Variants in LINGO2 observed in about 807,000 individuals in gnomAD.
The protein encoded by LINGO2 is leucine-rich repeat and immunoglobulin-like domain-containing nogo receptor-interacting protein 2.
A neutral mutation model predicts 30.6 loss-of-function variants in LINGO2; 14 were observed. The observed-to-expected ratio is 0.46, with a 90% CI of 0.30 to 0.72. The LOEUF (loss-of-function observed/expected upper bound fraction) is 0.72, where lower values mean the gene tolerates loss of function less well. Among genes scored for constraint, LINGO2 ranks in the 30% least tolerant of loss-of-function variants. The pLI is 0.07. For synonymous variants in LINGO2, 317 were observed against 288.5 expected (o/e 1.10, Z -1.00); for missense variants, 729 against 751.7 (o/e 0.97, Z 0.35).
At chr9:28,164,489 T>C (rs1451070200) in intron 4 of LINGO2, among the ~76,000 whole-genome samples, 1 of 152,194 alleles carries the variant, frequency 6.6e-6, no homozygotes, top group Non-Finnish European at 1.5e-5. Context: ...AGCAATTAAA[T>C]AATTTTCCCA....
At chr9:28,555,627 A>C (rs1278711336) in intron 1 of LINGO2, among the ~76,000 whole-genome samples, 1 of 152,022 alleles carries the variant, frequency 6.6e-6, no homozygotes, top group Admixed American at 6.6e-5. Context: ...AAAAGAGGGA[A>C]TCCTCCCTAA....
the LINGO2 span, among the ~76,000 whole-genome samples, chr9:28,779,736 T>C: frequency 4.6e-5 from 7 of 152,052 alleles, no homozygotes; most frequent in Non-Finnish European, 7.4e-5. Flanking sequence ...CACAGGAAAA[T>C]TTTTCTAATG....
chr9:28,291,794 T>C (rs1202770202), intron 4 of LINGO2, among the ~76,000 whole-genome samples: 1 of 152,170 alleles, frequency 6.6e-6, no homozygotes. Flanking sequence ...AGGAAAATGA[T>C]GGCAGAATTT....
intron 4 of LINGO2, among the ~76,000 whole-genome samples, chr9:28,191,703 C>T (rs980022150): frequency 2.0e-5 from 3 of 152,040 alleles, no homozygotes; most frequent in African/African-American, 4.8e-5. Context: ...ATGATAAACC[C>T]GATGGTGATG....
At chr9:28,278,642 G>A (rs563678476) in intron 4 of LINGO2, among the ~76,000 whole-genome samples, 1 of 152,266 alleles carries the variant, frequency 6.6e-6, no homozygotes, top group East Asian at 1.9e-4. Context: ...GAGACCTACT[G>A]CTCAGAAAGA....
At chr9:29,053,210 T>A in the LINGO2 span, among the ~76,000 whole-genome samples, 2 of 152,088 alleles carry the variant, frequency 1.3e-5, no homozygotes, top group Non-Finnish European at 2.9e-5. Flanking sequence ...AAAATGATAA[T>A]CTTAATACAC....
the LINGO2 span, among the ~76,000 whole-genome samples, chr9:28,973,806 A>G: frequency 6.6e-6 from 1 of 152,206 alleles, no homozygotes; most frequent in Non-Finnish European, 1.5e-5. Context: ...AATATCCTTC[A>G]AACATAAAGG....
intron 3 of LINGO2, among the ~76,000 whole-genome samples, chr9:28,328,382 G>T (rs1388633147): frequency 2.0e-5 from 3 of 152,086 alleles, no homozygotes; most frequent in Admixed American, 6.5e-5. Context: ...GAAGCAAAAA[G>T]AACAAAACTA....
intron 4 of LINGO2, among the ~76,000 whole-genome samples, chr9:28,160,329 G>A (rs1828249866): frequency 6.6e-6 from 1 of 152,130 alleles, no homozygotes; most frequent in Non-Finnish European, 1.5e-5. Flanking sequence ...ATTAAACAGA[G>A]TAATGACCCT....
the LINGO2 span, among the ~76,000 whole-genome samples, chr9:28,988,691 G>C: frequency 6.6e-6 from 1 of 152,260 alleles, no homozygotes; most frequent in Non-Finnish European, 1.5e-5. Context: ...ATCTCAAAAT[G>C]CTAAAGAAAC....
intron 4 of LINGO2, among the ~76,000 whole-genome samples, chr9:28,070,996 T>C (rs887749444): frequency 6.6e-6 from 1 of 152,214 alleles, no homozygotes; most frequent in Non-Finnish European, 1.5e-5. Context: ...ATTACAGGCC[T>C]AAGCCACCAT....
intron 1 of LINGO2, among the ~76,000 whole-genome samples, chr9:28,539,102 C>A (rs1011941691): frequency 6.6e-6 from 1 of 151,800 alleles, no homozygotes; most frequent in South Asian, 2.1e-4. Context: ...AAAAGATATT[C>A]TTTCAGTAAG....
intron 1 of LINGO2, among the ~76,000 whole-genome samples, chr9:28,621,517 T>G (rs1826393659): frequency 6.6e-6 from 1 of 151,932 alleles, no homozygotes; most frequent in African/African-American, 2.4e-5. Flanking sequence ...CACCACAGGT[T>G]AGTTTTACAT....
intron 1 of LINGO2, among the ~76,000 whole-genome samples, chr9:28,625,322 A>T (rs1826610717): frequency 6.6e-6 from 1 of 152,106 alleles, no homozygotes; most frequent in African/African-American, 2.4e-5. Context: ...AAGTGCACAG[A>T]TTCTCTCTCC....
intron 4 of LINGO2, among the ~76,000 whole-genome samples, chr9:28,042,046 G>A (rs1316206678): frequency 6.6e-6 from 1 of 152,124 alleles, no homozygotes; most frequent in African/African-American, 2.4e-5. Flanking sequence ...TTCATCATCT[G>A]TAAAATGGGG....
At chr9:28,766,766 G>C in the LINGO2 span, among the ~76,000 whole-genome samples, 1 of 147,106 alleles carries the variant, frequency 6.8e-6, no homozygotes, top group Non-Finnish European at 1.5e-5. Flanking sequence ...CCTAAGAGGA[G>C]AGGGAGGGAA....
the LINGO2 span, among the ~76,000 whole-genome samples, chr9:28,819,020 C>G: frequency 6.6e-6 from 1 of 151,872 alleles, no homozygotes; most frequent in Admixed American, 6.6e-5. Context: ...TTTTTTTCTA[C>G]CTGAGGAAGG....
intron 2 of LINGO2, among the ~76,000 whole-genome samples, chr9:28,428,528 A>T (rs527236312): frequency 8.7e-4 from 132 of 152,274 alleles, no homozygotes; most frequent in Non-Finnish European, 1.5e-3. Context: ...AAGTCATCTG[A>T]TCAAAACAAC....
At chr9:28,758,274 T>C in the LINGO2 span, among the ~76,000 whole-genome samples, 13 of 152,098 alleles carry the variant, frequency 8.5e-5, no homozygotes. Flanking sequence ...AAAAGAACTA[T>C]GAGTAGGTGA....
Sources: allele counts gnomAD v4.1 joint callset (sites outside exome capture counted in the v4.1 genomes callset), GRCh38; gene constraint gnomAD v4.1.1; transcripts MANE v1.5; gene names NCBI Gene and HGNC (gene_info 2026-07-23, HGNC 2026-07-21).